RNPC3: variants seen among roughly 807,000 people sequenced by gnomAD.
RNPC3 encodes RNA-binding region-containing protein 3.
RNPC3 carries 48 observed loss-of-function variants against 67.5 expected under a neutral mutation model. The ratio of observed to expected loss-of-function variants is 0.71; its 90% confidence interval spans 0.56 to 0.90. The LOEUF (loss-of-function observed/expected upper bound fraction) is 0.90. Ranked by LOEUF, RNPC3 falls within the 40% of genes least tolerant of loss-of-function variation. RNPC3 has a pLI of 0.00. For missense variants in RNPC3, 637 were observed against 626.1 expected, an observed-to-expected ratio of 1.02 and a Z score of -0.19; for synonymous variants, 239 against 210.3, an observed-to-expected ratio of 1.14 and a Z score of -1.18.
At chr1:103,527,219 GT>G (rs1289775358) in intron 1 of RNPC3, among the ~76,000 whole-genome samples, 1 of 152,070 alleles carries the variant, frequency 6.6e-6, no homozygotes, top group African/African-American at 2.4e-5. Context: ...TATAATTTAT[GT>G]TTAAAAATAG....
At chr1:103,527,238 C>A (rs906583162) in intron 1 of RNPC3, among the ~76,000 whole-genome samples, 16 of 152,188 alleles carry the variant, frequency 1.1e-4, no homozygotes, top group Middle Eastern at 6.8e-3. Context: ...TAGACTTCTC[C>A]CATTGAACAT....
chr1:103,541,500 G>A (rs907001774), intron 8 of RNPC3, 25 bp downstream of exon 8: 10 of 1,472,186 alleles, frequency 6.8e-6, no homozygotes, highest in Admixed American at 5.4e-5. Flanking sequence ...ACTAAGAAAT[G>A]AGGGTTGTCT....
Position 103,535,309 on chromosome 1 carries a change from T to G in RNPC3, c.444-21T>G, listed in dbSNP as rs1427156318. On this transcript the variant is annotated intron_variant, in intron 4 of 14. Coordinates refer to ENST00000423855, the MANE Select transcript of RNPC3 (RefSeq NM_017619.4). ...TGAAATTATGAAAACATAAGCATCT[T>G]AAATGTTTTTTGTTTTATAGGCTGA... 3 of 1,450,286 alleles carry G rather than the reference T, an allele frequency of 2.1e-6. No homozygotes were observed. The African/African-American group carries it at 4.2e-5, about 20-fold the overall frequency. The allele number at this position is 1,450,286 out of a possible 1,614,324, so 89.8% of individuals were successfully genotyped here. A position where few individuals can be genotyped will look rare whatever the true frequency, so the allele number is the denominator to read the frequency against.
intron 3 of RNPC3, among the ~76,000 whole-genome samples, 181 bp from the exon 4 acceptor site, chr1:103,534,593 T>C (rs1251052168): frequency 6.6e-6 from 1 of 151,936 alleles, no homozygotes; most frequent in Admixed American, 6.6e-5. Context: ...AGGTTACTTT[T>C]AGTTAATTTT....
At chr1:103,538,238 C>T (rs1202561407) in intron 7 of RNPC3, among the ~76,000 whole-genome samples, 1 of 152,162 alleles carries the variant, frequency 6.6e-6, no homozygotes, top group African/African-American at 2.4e-5. Flanking sequence ...GAGATGAAGT[C>T]AAATAAAGAC....
intron 8 of RNPC3, 113 bp downstream of exon 8, chr1:103,541,588 C>T (rs1651126441): frequency 9.7e-7 from 1 of 1,028,978 alleles, no homozygotes; most frequent in Admixed American, 3.6e-5. Context: ...TCTTGGTTTA[C>T]ATTGGCTTCC....
chr1:103,535,504 G>A (rs753738143), intron 5 of RNPC3, 63 bp downstream of exon 5: 5 of 994,450 alleles, frequency 5.0e-6, no homozygotes, highest in East Asian at 2.7e-5. Context: ...TATTTTTCAT[G>A]CTGATTCTCA....
intron 8 of RNPC3, among the ~76,000 whole-genome samples, chr1:103,543,007 A>G (rs1475491958): frequency 1.3e-5 from 2 of 151,738 alleles, no homozygotes; most frequent in African/African-American, 4.8e-5. Context: ...TTTAGAATCA[A>G]GAGTCATCAA....
intron 5 of RNPC3, 146 bp downstream of exon 5, chr1:103,535,587 C>T: frequency 1.8e-6 from 1 of 541,606 alleles, no homozygotes; most frequent in Non-Finnish European, 3.2e-6. Context: ...TTTCTACTTC[C>T]AAGTAGAGAC....
At chr1:103,543,524 T>C (rs1651174791) in intron 9 of RNPC3, 77 bp downstream of exon 9, 2 of 998,990 alleles carry the variant, frequency 2.0e-6, no homozygotes, top group South Asian at 2.5e-5. Context: ...TAATGTTTCA[T>C]ATTTTAGTAT....
intron 13 of RNPC3, 100 bp from the exon 14 acceptor site, chr1:103,551,620 TA>T (rs1403485199): frequency 5.7e-6 from 4 of 704,280 alleles, no homozygotes; most frequent in South Asian, 1.9e-5. Flanking sequence ...CAAGGTAAAT[TA>T]AAAAACCATA....
At chr1:103,551,666 TTTAGAAAAGATTAC>T in intron 13 of RNPC3, 41 bp from the exon 14 acceptor site, 1 of 1,167,710 alleles carries the variant, frequency 8.6e-7, no homozygotes, top group Non-Finnish European at 1.2e-6. Context: ...TTGAGAATTA[TTTAGAAAAGATTAC>T]TTGCATATTC....
chr1:103,548,775 CTGTT>C (rs1651310664), intron 12 of RNPC3, among the ~76,000 whole-genome samples: 1 of 152,120 alleles, frequency 6.6e-6, no homozygotes, highest in Non-Finnish European at 1.5e-5. Context: ...CTGTATTAGT[CTGTT>C]TTCACTCTGC....
At position 103,535,469 on chromosome 1, in the gene RNPC3, G is replaced by A. The variant is rs1267649652; in HGVS notation, c.555+28G>A. ...AAGTAGAATAAAACTTTTCCTAAAA[G>A]GACTTGTTGTATAGCTTGATACTTT... On this transcript the variant is annotated intron_variant, in intron 5 of 14. Transcript: ENST00000423855. 4.3e-6 allele frequency: 6 copies of A among 1,380,826 alleles called. 1 individual carries two copies. In the Middle Eastern group the frequency reaches 5.3e-4, roughly 122 times the overall value. 85.5% of individuals were successfully genotyped at this position (1,380,826 alleles called of 1,614,324 possible).
chr1:103,548,350 G>A (rs1400135503), intron 12 of RNPC3, among the ~76,000 whole-genome samples: 1 of 152,054 alleles, frequency 6.6e-6, no homozygotes, highest in Admixed American at 6.6e-5. Context: ...CAGCACCCAA[G>A]TCACCTCTTG....
intron 7 of RNPC3, among the ~76,000 whole-genome samples, chr1:103,539,686 T>G (rs1380224142): frequency 6.6e-6 from 1 of 152,188 alleles, no homozygotes; most frequent in Non-Finnish European, 1.5e-5. Context: ...AGCTCTAGTT[T>G]CATGCTTCTC....
chr1:103,529,485 T>C (rs1339876083), intron 2 of RNPC3, among the ~76,000 whole-genome samples: 1 of 151,990 alleles, frequency 6.6e-6, no homozygotes, highest in Non-Finnish European at 1.5e-5. Flanking sequence ...TGGAAAGTGA[T>C]AGATTAAGAA....
intron 3 of RNPC3, among the ~76,000 whole-genome samples, chr1:103,534,223 A>C (rs1047644471): frequency 6.6e-6 from 1 of 152,024 alleles, no homozygotes; most frequent in Non-Finnish European, 1.5e-5. Flanking sequence ...TTCGTAGTAC[A>C]GCTTCACAAA....
chr1:103,551,866 G>A lies in RNPC3; in HGVS notation c.*12+74G>A, dbSNP rs1651396821. 5.0e-6 allele frequency: 4 copies of A among 798,498 alleles called. No homozygotes were observed. In the East Asian group the frequency reaches 9.2e-5, roughly 18 times the overall value. 49.5% of individuals were successfully genotyped at this position (798,498 alleles called of 1,614,324 possible). On this transcript the variant is annotated intron_variant, in intron 14 of 14. Transcript: ENST00000423855. ...AAAATTAAGAATAAAAGTTTGACAA[G>A]GTAGTAATTCAGGTATCTCTTTTTT...
Sources: gnomAD v4.1 joint callset for allele counts (sites outside exome capture counted in the v4.1 genomes callset) on GRCh38, gnomAD v4.1.1 for gene constraint, MANE v1.5 for transcripts, NCBI Gene and HGNC (gene_info 2026-07-23, HGNC 2026-07-21) for gene names.